The following B3GAT1 variants were observed in gnomAD, a reference collection of about 807,000 sequenced individuals.
B3GAT1 encodes galactosylgalactosylxylosylprotein 3-beta-glucuronosyltransferase 1.
Under a neutral mutation model 28.4 loss-of-function variants are expected in B3GAT1, and 11 were observed. The ratio of observed to expected loss-of-function variants is 0.39; its 90% CI spans 0.24 to 0.64. B3GAT1 has a LOEUF of 0.64. Ranked by LOEUF, B3GAT1 falls within the 30% of genes least tolerant of loss-of-function variation. The pLI is 0.50. For missense variants in B3GAT1, 375 were observed against 491.0 expected (o/e 0.76, Z 2.23); for synonymous variants, 255 against 223.1 (o/e 1.14, Z -1.27).
rs182536514 is a variant in B3GAT1 at position 134,393,728 on chromosome 11, G to A, written c.-281-5788C>T. Reference sequence around the variant, plus strand: ...ACCGGCGTCACTGACTCTTGAGGGCGTGGGCTCAGTGGTGACAGCAGAGGG... The same window carrying A: ...ACCGGCGTCACTGACTCTTGAGGGCATGGGCTCAGTGGTGACAGCAGAGGG... On this transcript the variant is annotated intron_variant, in intron 1 of 5. Coordinates refer to ENST00000312527, the MANE Select transcript of B3GAT1 (RefSeq NM_054025.3). The surrounding 1 kb of genome is among the most constrained non-coding windows in gnomAD (Gnocchi z 4.0). Among the ~76,000 whole-genome samples the A allele has an allele frequency of 4.3e-4, 65 of 152,302 alleles. No homozygotes were observed. The highest frequency in any genetic ancestry group is 1.4e-3 in the East Asian group (7 of 5,180).
rs558540293 is a variant in B3GAT1 at position 134,403,474 on chromosome 11, G to A, written c.-282+8333C>T. On this transcript the variant is annotated intron_variant, in intron 1 of 5. Transcript: ENST00000312527. ...ACAGGGTGCCTGGGCAGCCCTGGAT[G>A]CAGGAAGGGAGCCCCAGAGGCCAGA... Among the ~76,000 whole-genome samples, 10 of 152,312 alleles carry A rather than the reference G, an allele frequency of 6.6e-5. No homozygotes were observed. The South Asian group carries it at 1.7e-3, about 25-fold the overall frequency.
At chr11:134,407,736 CAA>C (rs774068284) in intron 1 of B3GAT1, among the ~76,000 whole-genome samples, 13 of 132,198 alleles carry the variant, frequency 9.8e-5, no homozygotes, top group Admixed American at 2.3e-4. Context: ...GCTGTAGCTG[CAA>C]AAAAAAAAAA....
At chr11:134,391,009 AGG>A (rs1166435467) in intron 1 of B3GAT1, 1 of 151,814 alleles carries the variant, frequency 6.6e-6, no homozygotes, top group East Asian at 2.0e-4. Flanking sequence ...AAGGGAAGAG[AGG>A]GGAGGATGGG....
chr11:134,389,162 A>G (rs773460011), intron 1 of B3GAT1: 4 of 152,230 alleles, frequency 2.6e-5, no homozygotes, highest in African/African-American at 7.2e-5. Context: ...CTGGTGTGAG[A>G]TAGTATCTCA....
At chr11:134,386,582 A>G (rs1056261943) in intron 2 of B3GAT1, 1 of 152,198 alleles carries the variant, frequency 6.6e-6, no homozygotes, top group African/African-American at 2.4e-5. Context: ...TCCTCTCTCC[A>G]GCCCTATTTC....
At chr11:134,391,886 G>A (rs1944417720) in intron 1 of B3GAT1, 1 of 152,396 alleles carries the variant, frequency 6.6e-6, no homozygotes, top group Non-Finnish European at 1.5e-5. Flanking sequence ...ACTTCCCTGT[G>A]GGAGAGTGGA....
intron 1 of B3GAT1, among the ~76,000 whole-genome samples, chr11:134,403,153 A>G (rs1478332191): frequency 6.6e-6 from 1 of 152,128 alleles, no homozygotes; most frequent in Non-Finnish European, 1.5e-5. Context: ...CACCACCGAC[A>G]TGTAGCCCAA....
At chr11:134,390,868 G>A (rs978773994) in intron 1 of B3GAT1, 1 of 152,336 alleles carries the variant, frequency 6.6e-6, no homozygotes, top group Non-Finnish European at 1.5e-5. Flanking sequence ...CCAGGCGCAG[G>A]GTGGGTAAGG....
rs145216044 is a variant in B3GAT1 at position 134,383,012 on chromosome 11, AG to A, written c.622-7del. On this transcript the variant is annotated splice_polypyrimidine_tract_variant and splice_region_variant and intron_variant, in intron 3 of 5. Transcript: ENST00000312527. ...ACCCTCCTGGTGCTGCGCATCTACA[AG>A]GGGGGGGTCCAGAGTCAGGGCGCCG... 104 of 1,542,346 alleles carry A rather than the reference AG, an allele frequency of 6.7e-5. No homozygotes were observed. The highest frequency in any genetic ancestry group is 3.3e-4 in the South Asian group (28 of 84,130).
chr11:134,381,434 G>C (rs1944120195), intron 5 of B3GAT1, among the ~76,000 whole-genome samples: 1 of 152,204 alleles, frequency 6.6e-6, no homozygotes, highest in African/African-American at 2.4e-5. Context: ...GAAGAGCAGG[G>C]GTCCTGGGAG....
chr11:134,384,013 C>G lies in B3GAT1; in HGVS notation c.288G>C (p.Pro96=), dbSNP rs534927725. The change falls in exon 3 of 6, where the codon CCG becomes CCC. Residue 96 remains proline (P), a synonymous_variant. Coordinates refer to ENST00000312527, the MANE Select transcript of B3GAT1 (RefSeq NM_054025.3). ...IHVVTPTYSR[P]VQKAELTRMA... ...TGCGCGTCAGCTCGGCCTTCTGCAC[C>G]GGGCGGCTGTAGGTGGGCGTCACCA... The G allele has an allele frequency of 1.2e-6, 2 of 1,605,254 alleles. No homozygotes were observed. The highest frequency in any genetic ancestry group is 2.2e-5 in the East Asian group (1 of 44,786).
chr11:134,383,119 G>A (rs181404466), intron 3 of B3GAT1, 113 bp from the exon 4 acceptor site: 25 of 1,229,356 alleles, frequency 2.0e-5, no homozygotes, highest in African/African-American at 2.0e-4. Flanking sequence ...ATGGCCAGCC[G>A]CGGCCACCTA....
rs944067757 is a variant in B3GAT1 at position 134,412,093 on chromosome 11, C to T, written c.-568G>A. Among the ~76,000 whole-genome samples, 12 of 66,036 alleles carry T rather than the reference C, an allele frequency of 1.8e-4. No individual in the cohort carries two copies. The highest frequency in any genetic ancestry group is 1.7e-4 in the Non-Finnish European group (5 of 30,292). The allele number at this position is 66,036 out of a possible 152,430, so 43.3% of individuals were successfully genotyped here. The stretch of plus-strand genomic sequence containing the variant: ...AGGGCGCGGGCAGGGAGGCGGGGGG[C>T]GGGGGGCGGGGAGGGGGAGCGGGGA... On this transcript the variant is annotated 5_prime_UTR_variant, in exon 1 of 6. Coordinates refer to ENST00000312527, the MANE Select transcript of B3GAT1 (RefSeq NM_054025.3).
Position 134,387,850 on chromosome 11 carries a change from C to G in B3GAT1, c.-191G>C. On this transcript the variant is annotated 5_prime_UTR_variant, in exon 2 of 6. Coordinates refer to ENST00000312527, the MANE Select transcript of B3GAT1 (RefSeq NM_054025.3). The stretch of plus-strand genomic sequence containing the variant: ...ACCAGCACTCACAACCCACCCATTG[C>G]GGAAGCAGGTTTGGAGAGTCCGGCC... 6.5e-7 allele frequency: 1 copy of G among 1,528,152 alleles called. No individual in the cohort carries two copies. Among genetic ancestry groups the G allele is most frequent in the Non-Finnish European group, 8.8e-7 (1 of 1,142,100 alleles). The allele number at this position is 1,528,152 out of a possible 1,614,324, so 94.7% of individuals were successfully genotyped here. A position where few individuals can be genotyped will look rare whatever the true frequency, so the allele number is the denominator to read the frequency against.
intron 1 of B3GAT1, among the ~76,000 whole-genome samples, chr11:134,407,972 A>AT (rs145508957): frequency 0.2 from 30,460 of 149,260 alleles, 3,858 homozygotes; most frequent in African/African-American, 0.36. Flanking sequence ...TGGTGTCAAG[A>AT]TTTTTTTTTT....
chr11:134,382,445 G>A (rs1944155398), intron 4 of B3GAT1, among the ~76,000 whole-genome samples: 1 of 152,250 alleles, frequency 6.6e-6, no homozygotes, highest in African/African-American at 2.4e-5. Context: ...GCGTAGGCAT[G>A]TGTGTGTGCA....
chr11:134,397,411 G>A (rs558540640), intron 1 of B3GAT1, among the ~76,000 whole-genome samples: 1 of 145,572 alleles, frequency 6.9e-6, no homozygotes, highest in African/African-American at 2.7e-5. Context: ...CTGTTCCCTG[G>A]CCATCTCTGC....
rs1565459443 is a variant in B3GAT1, at chr11:134,404,024, TA to T, written c.-282+7782del. Reference sequence around the variant, plus strand: ...ATATATATATATATATATATATATATATATATTTATTATACGTTAAGTTCTA... The same window carrying T: ...ATATATATATATATATATATATATATTATATTTATTATACGTTAAGTTCTA... On this transcript the variant is annotated intron_variant, in intron 1 of 5. Coordinates refer to ENST00000312527, the MANE Select transcript of B3GAT1 (RefSeq NM_054025.3). 1.2e-3 allele frequency among the ~76,000 whole-genome samples: 156 copies of T among 125,060 alleles called. 7 individuals carry two copies. The highest frequency in any genetic ancestry group is 3.8e-3 in the African/African-American group (124 of 32,300). The allele number at this position is 125,060 out of a possible 152,430, so 82.0% of individuals were successfully genotyped here.
chr11:134,410,329 A>G (rs1338658056), intron 1 of B3GAT1, among the ~76,000 whole-genome samples: 2 of 152,248 alleles, frequency 1.3e-5, no homozygotes, highest in African/African-American at 2.4e-5. Context: ...TCCTGGGGTC[A>G]GGCACAGAAA....
Sources: allele counts gnomAD v4.1 joint callset (sites outside exome capture counted in the v4.1 genomes callset), GRCh38; gene constraint gnomAD v4.1.1; non-coding constraint Gnocchi (gnomAD v3.1); transcripts MANE v1.5; gene names NCBI Gene and HGNC (gene_info 2026-07-23, HGNC 2026-07-21).